Variants in EDN3 observed in about 807,000 individuals in gnomAD.
EDN3 encodes the protein endothelin-3.
EDN3 carries 9 observed loss-of-function variants against 21.4 expected under a neutral mutation model. The observed-to-expected ratio is 0.42, with a 90% CI of 0.25 to 0.73. The LOEUF is 0.73. EDN3 is among the 30% of genes least tolerant of loss of function. The pLI is 0.26. For missense variants in EDN3, 327 were observed against 309.4 expected (o/e 1.06, Z -0.43); for synonymous variants, 133 against 126.2 (o/e 1.05, Z -0.36).
At chr20:59,313,602 C>T (rs1305688523) in intron 2 of EDN3, among the ~76,000 whole-genome samples, 1 of 152,122 alleles carries the variant, frequency 6.6e-6, no homozygotes, top group African/African-American at 2.4e-5. Flanking sequence ...TTTGGTATTT[C>T]CAAATATTCT....
chr20:59,320,393 G>A (rs1458220082), intron 2 of EDN3, among the ~76,000 whole-genome samples: 3 of 152,270 alleles, frequency 2.0e-5, no homozygotes, highest in South Asian at 2.1e-4. Context: ...CTCAGGCTGC[G>A]GGGTAGGCAG....
intron 2 of EDN3, among the ~76,000 whole-genome samples, chr20:59,312,047 C>T (rs1419870378): frequency 1.3e-5 from 2 of 151,916 alleles, no homozygotes; most frequent in Non-Finnish European, 2.9e-5. Context: ...TTTTTTTAAT[C>T]CCTTTGCACA....
chr20:59,325,193 C>G lies in EDN3; in HGVS notation c.*734C>G, dbSNP rs1383792463. On this transcript the variant is annotated 3_prime_UTR_variant, in exon 5 of 5. Transcript: ENST00000337938. ...ACCAGGCCGATACACAGTGGAGTTC[C>G]CAGGCCTTGTTTGCAGGAAGCCGAC... is the stretch of plus-strand genomic sequence containing the variant. 6.6e-6 allele frequency: 1 copy of G among 152,318 alleles called. No individual in the cohort carries two copies. The highest frequency in any genetic ancestry group is 1.5e-5 in the Non-Finnish European group (1 of 68,098). The allele number at this position is 152,318 out of a possible 1,614,324, so 9.4% of individuals were successfully genotyped here.
Position 59,321,152 on chromosome 20 carries a change from G to A in EDN3, c.501G>A (p.Lys167=), listed in dbSNP as rs143232619. ...LRCACVGRYD[K]ACLHFCTQTL... ...GCGCTTGTGTGGGGAGATATGACAA[G>A]GCCTGCCTGCACTTTTGCACCCAAA... is the stretch of plus-strand genomic sequence containing the variant. Residue 167 remains lysine, a synonymous_variant, in exon 3 of 5, where the codon AAG becomes AAA. Coordinates refer to ENST00000337938, the MANE Select transcript of EDN3 (RefSeq NM_207034.3). The A allele has an allele frequency of 3.4e-5, 55 of 1,614,098 alleles. No homozygotes were observed. In the African/African-American group the frequency reaches 7.1e-4, roughly 21 times the overall value.
chr20:59,314,804 C>T (rs1990070952), intron 2 of EDN3, among the ~76,000 whole-genome samples: 1 of 152,168 alleles, frequency 6.6e-6, no homozygotes, highest in African/African-American at 2.4e-5. Context: ...AGAGAATTCC[C>T]TGCTTCTCAG....
At chr20:59,323,770 C>T (rs751501043) in intron 4 of EDN3, 11 of 414,670 alleles carry the variant, frequency 2.7e-5, no homozygotes, top group East Asian at 1.0e-4. Context: ...GCTCAGGGAA[C>T]GGCCAGAAGG....
intron 2 of EDN3, among the ~76,000 whole-genome samples, chr20:59,317,244 C>T (rs959134333): frequency 2.6e-5 from 4 of 152,156 alleles, no homozygotes; most frequent in Admixed American, 6.5e-5. Flanking sequence ...GGTAATCTGG[C>T]GTCAGAGCTC....
At chr20:59,320,888 T>C (rs1024686220) in intron 2 of EDN3, 129 bp from the exon 3 acceptor site, 5 of 913,932 alleles carry the variant, frequency 5.5e-6, no homozygotes, top group East Asian at 5.1e-5. Context: ...AGAGCTGTAG[T>C]GGGGAGGGTT....
chr20:59,301,818 G>C, intron 2 of EDN3, 96 bp downstream of exon 2: 1 of 1,402,578 alleles, frequency 7.1e-7, no homozygotes, highest in Non-Finnish European at 1.0e-6. Context: ...GCCCCGCTCA[G>C]TTAGCCCAGA....
Position 59,322,092 on chromosome 20 carries a change from A to AC in EDN3, c.543-280_543-279insC, listed in dbSNP as rs1990582664. On this transcript the variant is annotated intron_variant, in intron 3 of 4. Coordinates refer to ENST00000337938, the MANE Select transcript of EDN3 (RefSeq NM_207034.3). This position sits in a 1 kb window ranked among gnomAD's most constrained non-coding sequence, Gnocchi z 4.1. ...GGCAGACGGTAGCGCTCAGGACCCC[A>AC]GGATCTGCCGTCTGTGAAACCCAGT... is the stretch of plus-strand genomic sequence containing the variant. 2.0e-5 allele frequency among the ~76,000 whole-genome samples: 3 copies of AC among 152,158 alleles called. No homozygotes were observed. Among genetic ancestry groups the AC allele is most frequent in the African/African-American group, 7.2e-5 (3 of 41,436 alleles).
At chr20:59,310,389 G>T (rs1169581327) in intron 2 of EDN3, among the ~76,000 whole-genome samples, 1 of 152,192 alleles carries the variant, frequency 6.6e-6, no homozygotes, top group Non-Finnish European at 1.5e-5. Flanking sequence ...AAAATAAATT[G>T]CAGAGCATGG....
At position 59,322,340 on chromosome 20, in the gene EDN3, T is replaced by G. The variant is rs755435408; in HGVS notation, c.543-32T>G. ...AAAACCAGCCACAGGGAAAGGCAGGTTGATTGATTAAAACCAGCTCTCTCC... is the reference window on the plus strand; with the variant it reads ...AAAACCAGCCACAGGGAAAGGCAGGGTGATTGATTAAAACCAGCTCTCTCC... On this transcript the variant is annotated intron_variant, in intron 3 of 4. Coordinates refer to ENST00000337938, the MANE Select transcript of EDN3 (RefSeq NM_207034.3). The surrounding 1 kb of genome is among the most constrained non-coding windows in gnomAD (Gnocchi z 4.1). 41 of 1,613,424 alleles carry G rather than the reference T, an allele frequency of 2.5e-5. No individual in the cohort carries two copies. The Admixed American group carries it at 6.7e-4, about 26-fold the overall frequency.
chr20:59,306,881 A>G (rs1006741902), intron 2 of EDN3, among the ~76,000 whole-genome samples: 1 of 152,168 alleles, frequency 6.6e-6, no homozygotes, highest in African/African-American at 2.4e-5. Flanking sequence ...GCGGTGGCTC[A>G]CACCTATAAA....
At chr20:59,301,370 G>A (rs759177376) in intron 1 of EDN3, 40 bp from the exon 2 acceptor site, 1 of 1,597,516 alleles carries the variant, frequency 6.3e-7, no homozygotes, top group Non-Finnish European at 8.5e-7. Flanking sequence ...TGAGGGGTCT[G>A]CACACTCAGC....
intron 2 of EDN3, among the ~76,000 whole-genome samples, chr20:59,303,915 T>C (rs1233136540): frequency 1.3e-5 from 2 of 152,202 alleles, no homozygotes; most frequent in Non-Finnish European, 2.9e-5. Context: ...TCCCCTGAGC[T>C]ACTTGGGAAA....
intron 2 of EDN3, among the ~76,000 whole-genome samples, chr20:59,317,097 C>T (rs997281373): frequency 3.3e-5 from 5 of 152,232 alleles, no homozygotes; most frequent in Middle Eastern, 3.2e-3. Flanking sequence ...TTTCACTTCA[C>T]GTTCATGGTC....
chr20:59,309,236 T>C (rs1456730558), intron 2 of EDN3, among the ~76,000 whole-genome samples: 1 of 152,166 alleles, frequency 6.6e-6, no homozygotes, highest in African/African-American at 2.4e-5. Flanking sequence ...AGGGTCTCAG[T>C]TCAGGAGAAC....
At chr20:59,323,287 C>A (rs2146886764) in intron 4 of EDN3, among the ~76,000 whole-genome samples, 1 of 152,284 alleles carries the variant, frequency 6.6e-6, no homozygotes, top group South Asian at 2.1e-4. Flanking sequence ...GAGTCAGACC[C>A]AGATGGTCCC....
chr20:59,316,920 C>T (rs1990222775), intron 2 of EDN3, among the ~76,000 whole-genome samples: 1 of 152,206 alleles, frequency 6.6e-6, no homozygotes, highest in Non-Finnish European at 1.5e-5. Context: ...GATTAATCTT[C>T]TCACCTGCTT....
Sources: gnomAD v4.1 joint callset for allele counts (sites outside exome capture counted in the v4.1 genomes callset) on GRCh38, gnomAD v4.1.1 for gene constraint, Gnocchi (gnomAD v3.1) non-coding constraint, MANE v1.5 for transcripts, NCBI Gene and HGNC (gene_info 2026-07-23, HGNC 2026-07-21) for gene names.